Variants in PIP5K1A observed in about 807,000 individuals in gnomAD.
PIP5K1A encodes phosphatidylinositol 4-phosphate 5-kinase type-1 alpha.
A neutral mutation model predicts 72.9 loss-of-function variants in PIP5K1A; 46 were observed. That is an observed-to-expected ratio of 0.63 (90% CI 0.50 to 0.81). The LOEUF (loss-of-function observed/expected upper bound fraction) is 0.81. PIP5K1A is among the 30% of genes least tolerant of loss of function. PIP5K1A has a pLI of 0.00. For missense variants in PIP5K1A, 458 were observed against 706.1 expected (o/e 0.65, Z 3.98); for synonymous variants, 228 against 255.1 (o/e 0.89, Z 1.01).
chr1:151,200,010 A>G (rs1684996267), intron 1 of PIP5K1A, among the ~76,000 whole-genome samples: 1 of 151,980 alleles, frequency 6.6e-6, no homozygotes, highest in Non-Finnish European at 1.5e-5. Context: ...GTGATTCCCA[A>G]CTCTAAACTG....
rs758054788 is a variant in PIP5K1A at position 151,242,250 on chromosome 1, A to G, written c.1491A>G (p.Thr497=). The G allele has an allele frequency of 6.5e-5, 105 of 1,614,182 alleles. 3 individuals are homozygous for G. In the South Asian group the frequency reaches 1.1e-3, roughly 17 times the overall value. The part of the protein sequence containing the change: ...VSGEHKAQVT[T]KAEVEPGVHL... ...GGGAACACAAGGCACAAGTGACAAC[A>G]AAGGCAGAAGTGGAGCCAGGTCAGC... Residue 497 remains threonine (T), a synonymous_variant, in exon 13 of 16, where the codon ACA becomes ACG. Coordinates refer to ENST00000368888, the MANE Select transcript of PIP5K1A (RefSeq NM_001135638.2).
chr1:151,231,709 C>T lies in PIP5K1A; in HGVS notation c.276C>T (p.Gly92=). 6.2e-7 allele frequency: 1 copy of T among 1,613,330 alleles called. No homozygotes were observed. The highest frequency in any genetic ancestry group is 8.5e-7 in the Non-Finnish European group (1 of 1,179,262). Reference sequence around the variant, plus strand: ...CCTTGAAAGGTGCCATCCAGTTAGGCATTACCCACACTGTGGGGAGCCTGA... The same window carrying T: ...CCTTGAAAGGTGCCATCCAGTTAGGTATTACCCACACTGTGGGGAGCCTGA... ...SSALKGAIQL[G]ITHTVGSLST... is the part of the protein sequence containing the mutation. The change falls in exon 5 of 16, where the codon GGC becomes GGT. Residue 92 remains glycine (G), a synonymous_variant. Coordinates refer to ENST00000368888, the MANE Select transcript of PIP5K1A (RefSeq NM_001135638.2).
rs368845715 is a variant in PIP5K1A, at chr1:151,203,194, A to G, written c.85+4113A>G. ...CTAAGGTGTACACTGCTCCTATGAA[A>G]TAAGAGTTGTGGAGTAAAATCATGT... On this transcript the variant is annotated intron_variant, in intron 1 of 15. Transcript: ENST00000368888. Among the ~76,000 whole-genome samples, 35 of 152,238 alleles carry G rather than the reference A, an allele frequency of 2.3e-4. 1 individual carries two copies. The highest frequency in any genetic ancestry group is 8.2e-4 in the African/African-American group (34 of 41,552).
chr1:151,216,468 C>G (rs1687636195), intron 1 of PIP5K1A, among the ~76,000 whole-genome samples: 1 of 152,136 alleles, frequency 6.6e-6, no homozygotes, highest in African/African-American at 2.4e-5. Context: ...TCTCACTGCC[C>G]TCTCCAAAAA....
chr1:151,207,550 G>A (rs202022751), intron 1 of PIP5K1A, among the ~76,000 whole-genome samples: 1 of 64,104 alleles, frequency 1.6e-5, no homozygotes, highest in East Asian at 4.2e-4. Flanking sequence ...TTTTTTTTTT[G>A]AGATGGAGTC....
chr1:151,224,261 G>A lies in PIP5K1A; in HGVS notation c.102G>A (p.Lys34=). 6.2e-7 allele frequency: 1 copy of A among 1,613,386 alleles called. No individual in the cohort carries two copies. The highest frequency in any genetic ancestry group is 2.2e-5 in the East Asian group (1 of 44,852). The change falls in exon 2 of 16, where the codon AAG becomes AAA. Residue 34 remains lysine, a synonymous_variant. Transcript: ENST00000368888. ...CCCCCCTAGCAGCATCTGGAATCAA[G>A]AGACCCATGGCATCTGAGGTGAGTT... ...CTLSSAASGI[K]RPMASEVLEA...
At chr1:151,216,988 C>T (rs1458131977) in intron 1 of PIP5K1A, among the ~76,000 whole-genome samples, 2 of 140,292 alleles carry the variant, frequency 1.4e-5, no homozygotes, top group Non-Finnish European at 3.0e-5. Context: ...TCTCAGCTTA[C>T]TGCAACCTCT....
chr1:151,205,386 G>C (rs1409329400), intron 1 of PIP5K1A, among the ~76,000 whole-genome samples: 4 of 152,008 alleles, frequency 2.6e-5, no homozygotes, highest in African/African-American at 9.7e-5. Context: ...ATGTTGGCCA[G>C]GCTGGCCTTG....
chr1:151,245,042 C>A (rs1692294652), intron 14 of PIP5K1A, among the ~76,000 whole-genome samples: 1 of 151,666 alleles, frequency 6.6e-6, no homozygotes, highest in South Asian at 2.1e-4. Context: ...ATGTGGCCTG[C>A]CATTTCTTAA....
intron 3 of PIP5K1A, among the ~76,000 whole-genome samples, chr1:151,225,404 G>T (rs1688964041): frequency 6.6e-6 from 1 of 151,466 alleles, no homozygotes; most frequent in African/African-American, 2.4e-5. Context: ...CTTCATGTCT[G>T]TTGCTCTGGC....
At position 151,242,580 on chromosome 1, in the gene PIP5K1A, G is replaced by T. The variant is rs747298957; in HGVS notation, c.1640+13G>T. On this transcript the variant is annotated intron_variant, in intron 14 of 15. Coordinates refer to ENST00000368888, the MANE Select transcript of PIP5K1A (RefSeq NM_001135638.2). ...TGCTAACTACAAGGTTGGTTTATTG[G>T]CCCCTTTCTCCATATAATCTTATCT... is the stretch of plus-strand genomic sequence containing the variant. 6.2e-7 allele frequency: 1 copy of T among 1,610,386 alleles called. No homozygotes were observed. The highest frequency in any genetic ancestry group is 2.2e-5 in the East Asian group (1 of 44,866).
intron 4 of PIP5K1A, among the ~76,000 whole-genome samples, chr1:151,229,657 G>T (rs777800414): frequency 1.3e-5 from 2 of 149,410 alleles, no homozygotes; most frequent in African/African-American, 4.9e-5. Flanking sequence ...CACAGCACCC[G>T]GCCATTTAGC....
intron 1 of PIP5K1A, among the ~76,000 whole-genome samples, chr1:151,207,116 C>T (rs1259078894): frequency 5.3e-5 from 8 of 152,084 alleles, no homozygotes; most frequent in Non-Finnish European, 1.0e-4. Flanking sequence ...GTGATCTGCC[C>T]GCCTTGGCCT....
upstream of PIP5K1A, chr1:151,198,123 A>G (rs1190126724): frequency 2.1e-6 from 1 of 470,320 alleles, no homozygotes; most frequent in Non-Finnish European, 4.4e-6. Flanking sequence ...GGAAGGTAAG[A>G]CATGCACGCA....
intron 1 of PIP5K1A, among the ~76,000 whole-genome samples, chr1:151,206,994 C>T (rs781205033): frequency 2.0e-5 from 3 of 152,112 alleles, no homozygotes; most frequent in Non-Finnish European, 4.4e-5. Context: ...CTTAGCCTCC[C>T]TAGTAGCTGG....
In PIP5K1A at chr1:151,225,455, G is replaced by A. The variant is rs143191893; in HGVS notation, c.156+1049G>A. The stretch of plus-strand genomic sequence containing the variant: ...GATAACTTTCTAGACTGCTATACTG[G>A]TTTACTCCTCCCTTCTTGCCTTTTT... On this transcript the variant is annotated intron_variant, in intron 3 of 15. Coordinates refer to ENST00000368888, the MANE Select transcript of PIP5K1A (RefSeq NM_001135638.2). Among the ~76,000 whole-genome samples, 1,325 of 144,106 alleles carry A rather than the reference G, an allele frequency of 9.2e-3. 27 individuals are homozygous for A. The highest frequency in any genetic ancestry group is 0.032 in the African/African-American group (1,254 of 38,810). 94.5% of individuals were successfully genotyped at this position (144,106 alleles called of 152,430 possible).
intron 9 of PIP5K1A, 98 bp downstream of exon 9, chr1:151,236,861 C>A: frequency 1.2e-6 from 1 of 809,842 alleles, no homozygotes; most frequent in Non-Finnish European, 1.9e-6. Flanking sequence ...CTCTTGTTGC[C>A]CAGGCTGATG....
chr1:151,207,284 ATGGG>A (rs1346495644), intron 1 of PIP5K1A, among the ~76,000 whole-genome samples: 3 of 152,224 alleles, frequency 2.0e-5, no homozygotes, highest in Non-Finnish European at 2.9e-5. Flanking sequence ...CCTCTTGGCC[ATGGG>A]TAGCTTATTC....
upstream of PIP5K1A, among the ~76,000 whole-genome samples, chr1:151,197,303 C>T (rs1684647219): frequency 6.6e-6 from 1 of 151,646 alleles, no homozygotes; most frequent in African/African-American, 2.4e-5. Flanking sequence ...TGTTTTGAGA[C>T]AGTTTCGCTC....
Sources: allele counts gnomAD v4.1 joint callset (sites outside exome capture counted in the v4.1 genomes callset), GRCh38; gene constraint gnomAD v4.1.1; transcripts MANE v1.5; gene names NCBI Gene and HGNC (gene_info 2026-07-23, HGNC 2026-07-21).